Variants in SMYD3 observed in about 807,000 individuals in gnomAD.
SMYD3 encodes histone-lysine N-methyltransferase SMYD3.
Under a neutral mutation model 57.7 loss-of-function variants are expected in SMYD3, and 36 were observed. The ratio of observed to expected loss-of-function variants is 0.62; its 90% CI spans 0.48 to 0.82. SMYD3 has a LOEUF of 0.82. SMYD3 is among the 40% of genes least tolerant of loss of function. The pLI, the probability that SMYD3 is intolerant of heterozygous loss-of-function variation, is 0.00. For synonymous variants in SMYD3, 211 were observed against 195.0 expected (o/e 1.08, Z -0.68); for missense variants, 515 against 538.8 (o/e 0.96, Z 0.44).
chr1:246,427,515 G>T, intron 1 of SMYD3, among the ~76,000 whole-genome samples: 1 of 87,804 alleles, frequency 1.1e-5, no homozygotes, highest in African/African-American at 3.9e-5. Flanking sequence ...GCGAGACTCC[G>T]TCTCAAAAAA....
At chr1:245,833,073 A>AAAACAAAAACACAAC in intron 10 of SMYD3, among the ~76,000 whole-genome samples, 12 of 128,652 alleles carry the variant, frequency 9.3e-5, no homozygotes, top group Non-Finnish European at 1.7e-4. Context: ...AAAAAAAAAA[A>AAAACAAAAACACAAC]AACCTGCTTT....
At chr1:245,766,531 T>C (rs1255348037) in intron 10 of SMYD3, among the ~76,000 whole-genome samples, 1 of 152,022 alleles carries the variant, frequency 6.6e-6, no homozygotes, top group Non-Finnish European at 1.5e-5. Flanking sequence ...TCTCACCCCT[T>C]ACGAAATGAA....
chr1:245,998,086 C>T (rs1350987796), intron 5 of SMYD3, among the ~76,000 whole-genome samples: 1 of 152,212 alleles, frequency 6.6e-6, no homozygotes, highest in Non-Finnish European at 1.5e-5. Flanking sequence ...CTGCCAACAC[C>T]TGTGAGCAGA....
intron 5 of SMYD3, among the ~76,000 whole-genome samples, chr1:246,200,758 T>A (rs2062910894): frequency 6.7e-6 from 1 of 149,122 alleles, no homozygotes; most frequent in South Asian, 2.1e-4. Flanking sequence ...TATGATTTGA[T>A]TCTCCAAACA....
intron 10 of SMYD3, among the ~76,000 whole-genome samples, chr1:245,766,848 G>A (rs185822641): frequency 2.6e-5 from 4 of 152,234 alleles, no homozygotes; most frequent in Non-Finnish European, 5.9e-5. Context: ...TACCTGCCCC[G>A]GTAGCTCAGA....
chr1:245,993,508 G>A (rs536326757), intron 5 of SMYD3, among the ~76,000 whole-genome samples: 164 of 152,146 alleles, frequency 1.1e-3, no homozygotes, highest in African/African-American at 3.4e-3. Flanking sequence ...GCTGAGGTGG[G>A]AGGATCACTT....
chr1:246,142,006 C>A lies in SMYD3; in HGVS notation c.531+185195G>T, dbSNP rs111518187. Among the ~76,000 whole-genome samples, 84 of 152,310 alleles carry A rather than the reference C, an allele frequency of 5.5e-4. 1 individual carries two copies. The highest frequency in any genetic ancestry group is 2.0e-3 in the African/African-American group (82 of 41,570). On this transcript the variant is annotated intron_variant, in intron 5 of 11. Coordinates refer to ENST00000490107, the MANE Select transcript of SMYD3 (RefSeq NM_001167740.2). The stretch of plus-strand genomic sequence containing the variant: ...CAAAAAGAACTTGCTCAGAAGATAG[C>A]AGTCACTAAGAATCAGGCATCACCG...
intron 3 of SMYD3, among the ~76,000 whole-genome samples, chr1:246,333,373 C>T (rs2065491253): frequency 1.3e-5 from 2 of 152,124 alleles, no homozygotes; most frequent in Non-Finnish European, 1.5e-5. Context: ...TCCTCAAAAG[C>T]AACTGCAACA....
At chr1:246,125,552 T>G (rs2061497394) in intron 5 of SMYD3, among the ~76,000 whole-genome samples, 1 of 152,162 alleles carries the variant, frequency 6.6e-6, no homozygotes, top group South Asian at 2.1e-4. Context: ...TTTAGCTATT[T>G]AATATTTTAA....
At chr1:246,010,370 C>T (rs2059260421) in intron 5 of SMYD3, among the ~76,000 whole-genome samples, 1 of 152,138 alleles carries the variant, frequency 6.6e-6, no homozygotes, top group Admixed American at 6.5e-5. Flanking sequence ...GAAGCTTCTC[C>T]ATGCAGAGAA....
intron 5 of SMYD3, among the ~76,000 whole-genome samples, chr1:246,251,484 CTG>C (rs2063798630): frequency 1.4e-5 from 2 of 140,906 alleles, no homozygotes; most frequent in African/African-American, 2.6e-5. Context: ...GCCTCGGACA[CTG>C]TGCCCGGCTT....
intron 10 of SMYD3, among the ~76,000 whole-genome samples, chr1:245,835,745 T>C (rs1387133573): frequency 2.6e-5 from 4 of 152,192 alleles, no homozygotes; most frequent in Non-Finnish European, 5.9e-5. Flanking sequence ...ACACACTCTC[T>C]GGACTGTATG....
chr1:245,827,827 G>C (rs12034396), intron 10 of SMYD3, among the ~76,000 whole-genome samples: 127,522 of 152,184 alleles, frequency 0.84, 54,924 homozygotes, highest in Non-Finnish European at 0.95. Flanking sequence ...GGTCACTCAT[G>C]TGGTTACAGA....
intron 5 of SMYD3, among the ~76,000 whole-genome samples, chr1:246,314,297 A>T (rs2065123292): frequency 6.6e-6 from 1 of 152,332 alleles, no homozygotes. Context: ...GTCCATAATT[A>T]GGGCTCTAAC....
chr1:245,976,477 C>T (rs866614623), intron 5 of SMYD3, among the ~76,000 whole-genome samples: 232 of 32,776 alleles, frequency 7.1e-3, no homozygotes, highest in African/African-American at 0.026. Context: ...GTCTCCGGCC[C>T]AGGGAAAGCC....
chr1:246,047,830 C>G (rs2059995415), intron 5 of SMYD3, among the ~76,000 whole-genome samples: 1 of 137,906 alleles, frequency 7.3e-6, no homozygotes, highest in African/African-American at 3.0e-5. Context: ...CAGAGTGAGA[C>G]CCTGTAGCAG....
At chr1:246,506,139 C>T (rs533000919) in intron 1 of SMYD3, among the ~76,000 whole-genome samples, 9 of 152,320 alleles carry the variant, frequency 5.9e-5, no homozygotes, top group African/African-American at 1.4e-4. Context: ...GTCTGAAAAG[C>T]GGCCATGCAC....
intron 1 of SMYD3, among the ~76,000 whole-genome samples, chr1:246,502,476 G>A (rs146470691): frequency 4.6e-5 from 7 of 152,066 alleles, no homozygotes; most frequent in East Asian, 1.9e-4. Context: ...CTGAATATGC[G>A]CCATTTTTTC....
chr1:246,017,869 T>C (rs1342720912), intron 5 of SMYD3, among the ~76,000 whole-genome samples: 1 of 152,188 alleles, frequency 6.6e-6, no homozygotes, highest in Non-Finnish European at 1.5e-5. Context: ...ATTTTGATGC[T>C]GAAATTGCCA....
Sources: allele counts gnomAD v4.1 joint callset (sites outside exome capture counted in the v4.1 genomes callset), GRCh38; gene constraint gnomAD v4.1.1; transcripts MANE v1.5; gene names NCBI Gene and HGNC (gene_info 2026-07-23, HGNC 2026-07-21).